Variants in SMG5 observed in about 807,000 individuals in gnomAD.
SMG5 encodes SMG5 nonsense mediated mRNA decay factor.
Under a neutral mutation model 122.9 loss-of-function variants are expected in SMG5, and 53 were observed. The observed-to-expected ratio is 0.43, with a 90% CI of 0.35 to 0.54. The LOEUF (loss-of-function observed/expected upper bound fraction) is 0.54. Ranked by LOEUF, SMG5 falls within the 20% of genes least tolerant of loss-of-function variation. SMG5 has a pLI of 0.01. For synonymous variants in SMG5, 477 were observed against 490.2 expected, an observed-to-expected ratio of 0.97 and a Z score of 0.35; for missense variants, 1,153 against 1,285.6, an observed-to-expected ratio of 0.90 and a Z score of 1.58.
chr1:156,282,658 C>T lies in SMG5; in HGVS notation c.23G>A (p.Gly8Glu). The change falls in exon 1 of 22, where the codon GGG becomes GAG. Residue 8 changes from glycine (G) to glutamate (E), a missense_variant. Physicochemically the swap from Gly to Glu is moderately conservative, Grantham distance 98 (BLOSUM62 -2). Coordinates refer to ENST00000361813, the MANE Select transcript of SMG5 (RefSeq NM_015327.3). ...TTTTGCTTCGGGCTCGCTGCTCTCC[C>T]CTGTGGGGGGGCCTTGGCTCATGGT... MSQGPPT[G>E]ESSEPEAKVL... 6.2e-7 allele frequency: 1 copy of T among 1,607,034 alleles called. No homozygotes were observed. The highest frequency in any genetic ancestry group is 8.5e-7 in the Non-Finnish European group (1 of 1,179,514).
At chr1:156,272,433 A>T in intron 6 of SMG5, 35 bp from the exon 7 acceptor site, 1 of 1,555,330 alleles carries the variant, frequency 6.4e-7, no homozygotes, top group Non-Finnish European at 8.8e-7. Context: ...GTCTAAGGCC[A>T]CAATACTCAT....
upstream of SMG5, chr1:156,286,321 A>G (rs1294998007): frequency 6.2e-7 from 1 of 1,614,070 alleles, no homozygotes; most frequent in Non-Finnish European, 8.5e-7. Flanking sequence ...TTGGGGAGCC[A>G]CGGCGGGAGG....
chr1:156,250,389 A>G lies in SMG5; in HGVS notation c.*198T>C. ...ATCCAAGCACTTTCCTCGCTTTCCT[A>G]ACGTCTTGGCAACAAAGGGACCCCA... On this transcript the variant is annotated 3_prime_UTR_variant, in exon 22 of 22. Transcript: ENST00000361813. 1.7e-6 allele frequency: 1 copy of G among 602,226 alleles called. No individual in the cohort carries two copies. Among genetic ancestry groups the G allele is most frequent in the Non-Finnish European group, 3.0e-6 (1 of 336,124 alleles). The allele number at this position is 602,226 out of a possible 1,614,324, so 37.3% of individuals were successfully genotyped here.
chr1:156,265,236 A>AG (rs1414622577), intron 12 of SMG5, among the ~76,000 whole-genome samples: 1 of 142,200 alleles, frequency 7.0e-6, no homozygotes, highest in Non-Finnish European at 1.6e-5. Context: ...AAAAAAAAAA[A>AG]AAACTTTGGA....
the SMG5 span, among the ~76,000 whole-genome samples, chr1:156,288,453 G>GC: frequency 6.6e-6 from 1 of 151,534 alleles, no homozygotes; most frequent in South Asian, 2.1e-4. Flanking sequence ...TCCTGCCTCA[G>GC]CCCCCCGAGT....
At chr1:156,263,263 C>G (rs1661941372) in intron 13 of SMG5, 132 bp downstream of exon 13, 1 of 1,037,606 alleles carries the variant, frequency 9.6e-7, no homozygotes. Context: ...GGGCCCAGCA[C>G]AGATAGGTGA....
upstream of SMG5, among the ~76,000 whole-genome samples, chr1:156,287,275 G>A (rs1222007646): frequency 6.6e-6 from 1 of 152,102 alleles, no homozygotes; most frequent in African/African-American, 2.4e-5. Context: ...AATTAGCCGG[G>A]TGTGGTGGTG....
Position 156,272,336 on chromosome 1 carries a change from A to G in SMG5, c.697T>C (p.Tyr233His). The G allele has an allele frequency of 6.3e-7, 1 of 1,598,424 alleles. No individual in the cohort carries two copies. Among genetic ancestry groups the G allele is most frequent in the Non-Finnish European group, 8.5e-7 (1 of 1,170,650 alleles). ...AATACTCACCAGCGCAGGTAGCAAT[A>G]CATGGCTTCCACATTATAGTACTTG... is the stretch of plus-strand genomic sequence containing the variant. Reference protein sequence around the residue: ...GSKYYNVEAMYCYLRCIQSEV... With the variant: ...GSKYYNVEAMHCYLRCIQSEV... The change falls in exon 7 of 22, where the codon TAT becomes CAT. Residue 233 changes from tyrosine (Y) to histidine (H), a missense_variant. By Grantham distance (83) the Tyr-to-His change is moderately conservative. Around this residue, in one of 5 missense-constraint regions of SMG5, gnomAD observed 85 missense variants for 127.3 expected, o/e 0.67. Coordinates refer to ENST00000361813, the MANE Select transcript of SMG5 (RefSeq NM_015327.3).
At chr1:156,253,638 G>T in intron 16 of SMG5, 130 bp from the exon 17 acceptor site, 1 of 806,606 alleles carries the variant, frequency 1.2e-6, no homozygotes, top group African/African-American at 1.7e-5. Flanking sequence ...CACTGCTGCT[G>T]AATGAGGGGA....
At position 156,274,695 on chromosome 1, in the gene SMG5, CAA is replaced by C; in HGVS notation, c.455-11_455-10del. ...CACTGGCTTCTTGCATCCTATGAGACAAAGAGAAAGAGATTTGTAGGCCCATT... is the reference window on the plus strand; with the variant it reads ...CACTGGCTTCTTGCATCCTATGAGACAGAGAAAGAGATTTGTAGGCCCATT... On this transcript the variant is annotated splice_polypyrimidine_tract_variant and intron_variant, in intron 4 of 21. Coordinates refer to ENST00000361813, the MANE Select transcript of SMG5 (RefSeq NM_015327.3). 1 of 1,612,476 alleles carries C rather than the reference CAA, an allele frequency of 6.2e-7. No individual in the cohort carries two copies. Among genetic ancestry groups the C allele is most frequent in the Non-Finnish European group, 8.5e-7 (1 of 1,178,676 alleles).
intron 3 of SMG5, 33 bp downstream of exon 3, chr1:156,277,892 G>T (rs768530599): frequency 6.2e-7 from 1 of 1,611,318 alleles, no homozygotes; most frequent in East Asian, 2.2e-5. Context: ...TCCTTCCTTG[G>T]CTTTCCCTCT....
At chr1:156,288,197 CAA>C in the SMG5 span, among the ~76,000 whole-genome samples, 23 of 56,870 alleles carry the variant, frequency 4.0e-4, no homozygotes, top group South Asian at 1.1e-3. Flanking sequence ...GACTCCGTCT[CAA>C]AAAAAAAAAA....
the SMG5 span, among the ~76,000 whole-genome samples, chr1:156,288,334 T>A: frequency 6.6e-6 from 1 of 151,840 alleles, no homozygotes; most frequent in East Asian, 1.9e-4. Flanking sequence ...TTGTTACTTT[T>A]TTTTTCTTTT....
Position 156,249,451 on chromosome 1 carries a change from C to T in SMG5, c.*1136G>A. 2.9e-6 allele frequency: 1 copy of T among 342,300 alleles called. No homozygotes were observed. Among genetic ancestry groups the T allele is most frequent in the South Asian group, 2.3e-5 (1 of 44,314 alleles). 21.2% of individuals were successfully genotyped at this position (342,300 alleles called of 1,614,324 possible). A position where few individuals can be genotyped will look rare whatever the true frequency, so the allele number is the denominator to read the frequency against. Reference sequence around the variant, plus strand: ...CGAGCCCCTAGCCTGTGCTATCCTCCCAGCCTGAGGGGGAGGAGCTGAGGC... The same window carrying T: ...CGAGCCCCTAGCCTGTGCTATCCTCTCAGCCTGAGGGGGAGGAGCTGAGGC... On this transcript the variant is annotated 3_prime_UTR_variant, in exon 22 of 22. Coordinates refer to ENST00000361813, the MANE Select transcript of SMG5 (RefSeq NM_015327.3).
chr1:156,274,669 A>G lies in SMG5; in HGVS notation c.472T>C (p.Ser158Pro). The G allele has an allele frequency of 1.2e-6, 2 of 1,613,948 alleles. No individual in the cohort carries two copies. The highest frequency in any genetic ancestry group is 1.7e-6 in the Non-Finnish European group (2 of 1,179,840). ...DPLIGCKKPV[S>P]ASGKEMDWAQ... ...CAATCCATCTCCTTCCCTGAGGCAG[A>G]CACTGGCTTCTTGCATCCTATGAGA... Residue 158 changes from serine to proline, a missense_variant, in exon 5 of 22, where the codon TCT (serine) becomes CCT (proline). Ser to Pro is a moderately conservative substitution (Grantham distance 74). This residue lies in a region of SMG5 where 213 missense variants were observed against 197.5 expected (regional missense o/e 1.08). Coordinates refer to ENST00000361813, the MANE Select transcript of SMG5 (RefSeq NM_015327.3).
At chr1:156,263,991 C>A (rs1233740891) in intron 12 of SMG5, among the ~76,000 whole-genome samples, 1 of 152,042 alleles carries the variant, frequency 6.6e-6, no homozygotes, top group South Asian at 2.1e-4. Context: ...ACTTTCAGGC[C>A]GGGCGTGGTG....
intron 4 of SMG5, among the ~76,000 whole-genome samples, chr1:156,276,689 G>A (rs745515297): frequency 1.3e-5 from 2 of 152,220 alleles, no homozygotes; most frequent in Non-Finnish European, 2.9e-5. Flanking sequence ...TATGTTGAAA[G>A]ACTGTCCACA....
rs1014444613 is a variant in SMG5, at chr1:156,253,810, A to G, written c.2443-302T>C. 8 of 427,410 alleles carry G rather than the reference A, an allele frequency of 1.9e-5. No individual in the cohort carries two copies. The Middle Eastern group carries it at 2.8e-3, about 151-fold the overall frequency. The allele number at this position is 427,410 out of a possible 1,614,324, so 26.5% of individuals were successfully genotyped here. A position where few individuals can be genotyped will look rare whatever the true frequency, so the allele number is the denominator to read the frequency against. On this transcript the variant is annotated intron_variant, in intron 16 of 21. Coordinates refer to ENST00000361813, the MANE Select transcript of SMG5 (RefSeq NM_015327.3). The stretch of plus-strand genomic sequence containing the variant: ...TCACCTGGCTGTGCCTCAGGATTCA[A>G]TCTCTGCTCTTCTCAATCTGGTCTC...
rs1350032640 is a variant in SMG5, at chr1:156,249,540, A to G, written c.*1047T>C. 1 of 366,788 alleles carries G rather than the reference A, an allele frequency of 2.7e-6. No homozygotes were observed. The highest frequency in any genetic ancestry group is 5.5e-6 in the Non-Finnish European group (1 of 181,996). 22.7% of individuals were successfully genotyped at this position (366,788 alleles called of 1,614,324 possible). On this transcript the variant is annotated 3_prime_UTR_variant, in exon 22 of 22. Transcript: ENST00000361813. ...GGTGCGCCATTCACTGCCCTGAGCT[A>G]TTCATGATCTCTGCTCCCAGATATT...
Sources: allele counts gnomAD v4.1 joint callset (sites outside exome capture counted in the v4.1 genomes callset), GRCh38; gene constraint gnomAD v4.1.1; regional missense constraint gnomAD v4.1.1; transcripts MANE v1.5; gene names NCBI Gene and HGNC (gene_info 2026-07-23, HGNC 2026-07-21).